Variants in PDPN observed in about 807,000 individuals in gnomAD.
PDPN encodes podoplanin, also known as PA2.26 antigen.
In PDPN, 12 loss-of-function variants were observed where a neutral mutation model predicts 23.2. The ratio of observed to expected loss-of-function variants is 0.52; its 90% CI spans 0.33 to 0.84. The LOEUF (loss-of-function observed/expected upper bound fraction) is 0.84. Among genes scored for constraint, PDPN ranks in the 40% least tolerant of loss-of-function variants. The probability of loss-of-function intolerance (pLI) is 0.02; values close to 1 mark genes in which losing one functional copy is unlikely to be tolerated. For synonymous variants in PDPN, 77 were observed against 76.7 expected (o/e 1.00, Z -0.02); for missense variants, 199 against 212.2 (o/e 0.94, Z 0.39).
At chr1:13,600,727 G>A (rs1031142426) in intron 1 of PDPN, among the ~76,000 whole-genome samples, 11 of 152,214 alleles carry the variant, frequency 7.2e-5, no homozygotes, top group Admixed American at 2.6e-4. Flanking sequence ...GAAATTGTAC[G>A]GAAGACTTTA....
At position 13,610,504 on chromosome 1, in the gene PDPN, A is replaced by G. The variant is rs1201757025; in HGVS notation, c.319A>G (p.Ser107Gly). Residue 107 changes from serine (S) to glycine (G), a missense_variant, in exon 3 of 6, where the codon AGT becomes GGT. Transcript: ENST00000621990. ...PSATASNVATSHSTEKVDGDT... is the reference protein window; with the variant it reads ...PSATASNVATGHSTEKVDGDT... Reference sequence around the variant, plus strand: ...CGCCACAGCCTCAAACGTGGCCACCAGTCACTCCACGGGTAAGAAAACCAG... The same window carrying G: ...CGCCACAGCCTCAAACGTGGCCACCGGTCACTCCACGGGTAAGAAAACCAG... The G allele has an allele frequency of 1.2e-6, 2 of 1,613,708 alleles. No individual in the cohort carries two copies. Among genetic ancestry groups the G allele is most frequent in the African/African-American group, 2.7e-5 (2 of 74,892 alleles).
intron 4 of PDPN, 38 bp downstream of exon 4, chr1:13,613,763 G>A: frequency 8.1e-7 from 1 of 1,233,656 alleles, no homozygotes; most frequent in Non-Finnish European, 1.2e-6. Context: ...TCTTACTGGG[G>A]TTTTTTAAAA....
At chr1:13,593,474 T>C (rs1346528828) in intron 1 of PDPN, among the ~76,000 whole-genome samples, 2 of 152,096 alleles carry the variant, frequency 1.3e-5, no homozygotes, top group African/African-American at 4.8e-5. Flanking sequence ...GAGATCCTCT[T>C]AGCCAAAAAC....
intron 1 of PDPN, chr1:13,585,592 G>C (rs1640155895): frequency 7.4e-7 from 1 of 1,351,954 alleles, no homozygotes; most frequent in African/African-American, 1.5e-5. Context: ...TTTTTGCCCA[G>C]GGAAGCTTTA....
rs1640182740 is a variant in PDPN at position 13,586,511 on chromosome 1, C to T, written c.67+2411C>T. Among the ~76,000 whole-genome samples the T allele has an allele frequency of 5.9e-5, 9 of 152,142 alleles. No individual in the cohort carries two copies. In the South Asian group the frequency reaches 1.7e-3, roughly 28 times the overall value. On this transcript the variant is annotated intron_variant, in intron 1 of 5. Coordinates refer to ENST00000621990, the MANE Select transcript of PDPN (RefSeq NM_006474.5). ...TTTGGCTTCTGTAAAATGAGCAGCA[C>T]GCGAGTGACTCTACACTGTAGAATT...
In PDPN at chr1:13,615,778, A is replaced by G. The variant is rs115997636; in HGVS notation, c.483-127A>G. The G allele has an allele frequency of 3.0e-3, 2,622 of 886,642 alleles. 13 individuals carry two copies. The highest frequency in any genetic ancestry group is 4.4e-3 in the Non-Finnish European group (2,347 of 531,566). 54.9% of individuals were successfully genotyped at this position (886,642 alleles called of 1,614,324 possible). A position where few individuals can be genotyped will look rare whatever the true frequency, so the allele number is the denominator to read the frequency against. On this transcript the variant is annotated intron_variant, in intron 5 of 5. Transcript: ENST00000621990. ...GCATGGAGGAGGAATGTCAGGAACA[A>G]GAGATGATCACCAGGTGTCAGAACT...
chr1:13,596,845 C>G (rs1248107147), intron 1 of PDPN, among the ~76,000 whole-genome samples: 2 of 152,138 alleles, frequency 1.3e-5, no homozygotes, highest in African/African-American at 4.8e-5. Flanking sequence ...GAAGCAACAG[C>G]AAACAGCTAA....
At chr1:13,584,353 A>T in intron 1 of PDPN, 1 of 1,451,128 alleles carries the variant, frequency 6.9e-7, no homozygotes, top group Non-Finnish European at 9.1e-7. Context: ...TGGGCAGCAC[A>T]GGGGGCCTCC....
intron 5 of PDPN, among the ~76,000 whole-genome samples, chr1:13,615,109 A>G (rs1489897112): frequency 6.6e-6 from 1 of 152,088 alleles, no homozygotes; most frequent in Admixed American, 6.6e-5. Flanking sequence ...TCCACTGAGG[A>G]TGGGGTCTTT....
chr1:13,592,732 T>C (rs1388104294), intron 1 of PDPN, among the ~76,000 whole-genome samples: 1 of 152,018 alleles, frequency 6.6e-6, no homozygotes, highest in Admixed American at 6.6e-5. Flanking sequence ...TATTTTTTAG[T>C]AGAGTCGTGG....
chr1:13,616,051 C>A lies in PDPN; in HGVS notation c.*140C>A. 1 of 759,760 alleles carries A rather than the reference C, an allele frequency of 1.3e-6. No individual in the cohort carries two copies. Among genetic ancestry groups the A allele is most frequent in the Non-Finnish European group, 2.3e-6 (1 of 436,698 alleles). The allele number at this position is 759,760 out of a possible 1,614,324, so 47.1% of individuals were successfully genotyped here. A position where few individuals can be genotyped will look rare whatever the true frequency, so the allele number is the denominator to read the frequency against. ...CACTCAGAATCCACGGTGACCTCTC[C>A]GCTTGCCAAAATAACCGAAGGAAAG... is the stretch of plus-strand genomic sequence containing the variant. On this transcript the variant is annotated 3_prime_UTR_variant, in exon 6 of 6. Transcript: ENST00000621990.
intron 1 of PDPN, chr1:13,584,310 C>A: frequency 6.6e-7 from 1 of 1,506,078 alleles, no homozygotes; most frequent in South Asian, 1.3e-5. Flanking sequence ...GCGGGTGTGC[C>A]GGGAGGAGCC....
chr1:13,616,531 T>A lies in PDPN; in HGVS notation c.*620T>A, dbSNP rs1293137261. ...TCATTTCAAAGACATCCATTTTAGA[T>A]CACAAGCAGGAAGTCGATAGTCTCA... On this transcript the variant is annotated 3_prime_UTR_variant, in exon 6 of 6. Transcript: ENST00000621990. 1.3e-5 allele frequency: 2 copies of A among 152,840 alleles called. No homozygotes were observed. Among genetic ancestry groups the A allele is most frequent in the Admixed American group, 6.5e-5 (1 of 15,406 alleles). 9.5% of individuals were successfully genotyped at this position (152,840 alleles called of 1,614,324 possible). A position where few individuals can be genotyped will look rare whatever the true frequency, so the allele number is the denominator to read the frequency against.
intron 2 of PDPN, among the ~76,000 whole-genome samples, chr1:13,607,833 G>T (rs1640830858): frequency 6.6e-6 from 1 of 152,150 alleles, no homozygotes; most frequent in Admixed American, 6.5e-5. Context: ...AGCCGGGCGT[G>T]GTGGCTCACA....
intron 1 of PDPN, among the ~76,000 whole-genome samples, chr1:13,600,432 A>G (rs765391140): frequency 4.0e-5 from 6 of 151,850 alleles, no homozygotes; most frequent in African/African-American, 7.3e-5. Context: ...CAATGGCACA[A>G]TCTCAGCTCA....
intron 1 of PDPN, among the ~76,000 whole-genome samples, chr1:13,593,061 C>A (rs1640393497): frequency 6.6e-6 from 1 of 152,126 alleles, no homozygotes; most frequent in South Asian, 2.1e-4. Flanking sequence ...GGTGATTCTC[C>A]TGTCTGTATT....
At chr1:13,605,216 G>A (rs1276660010) in intron 1 of PDPN, among the ~76,000 whole-genome samples, 1 of 149,896 alleles carries the variant, frequency 6.7e-6, no homozygotes, top group African/African-American at 2.4e-5. Context: ...TATAAGTGCT[G>A]TCTAAGCAGT....
At chr1:13,608,903 GCTGC>G (rs2100272327) in intron 2 of PDPN, among the ~76,000 whole-genome samples, 1 of 152,054 alleles carries the variant, frequency 6.6e-6, no homozygotes, top group South Asian at 2.1e-4. Flanking sequence ...TTACAGAACG[GCTGC>G]CTTTTTCTTA....
intron 3 of PDPN, among the ~76,000 whole-genome samples, chr1:13,613,362 C>T (rs569304637): frequency 6.6e-6 from 1 of 152,166 alleles, no homozygotes; most frequent in African/African-American, 2.4e-5. Flanking sequence ...GCTACCTTAA[C>T]CTCTGATACT....
Sources: allele counts gnomAD v4.1 joint callset (sites outside exome capture counted in the v4.1 genomes callset), GRCh38; gene constraint gnomAD v4.1.1; transcripts MANE v1.5; gene names NCBI Gene and HGNC (gene_info 2026-07-23, HGNC 2026-07-21).